CSTF2: variants seen among roughly 807,000 people sequenced by gnomAD.
CSTF2 encodes the protein CF-1 64 kDa subunit.
CSTF2 carries 8 observed loss-of-function variants against 45.4 expected under a neutral mutation model. The ratio of observed to expected loss-of-function variants is 0.18; its 90% CI spans 0.10 to 0.32. CSTF2 has a LOEUF of 0.32. CSTF2 is among the 10% of genes least tolerant of loss of function. The pLI is 1.00. For synonymous variants in CSTF2, 155 were observed against 158.9 expected (o/e 0.98, Z 0.18); for missense variants, 253 against 477.1 (o/e 0.53, Z 4.38).
intron 8 of CSTF2, among the ~76,000 whole-genome samples, chrX:100,831,233 A>T (rs185406921): frequency 1.8e-5 from 2 of 111,410 alleles, no homozygotes; most frequent in Admixed American, 9.5e-5. Flanking sequence ...ACTAAGATTG[A>T]TTAGAAGGAA....
intron 13 of CSTF2, 141 bp downstream of exon 13, chrX:100,838,505 C>G: frequency 2.1e-6 from 1 of 465,765 alleles, no homozygotes; most frequent in Non-Finnish European, 3.3e-6. Context: ...TTCAGTAGGT[C>G]AGCTCCTGTA....
At chrX:100,827,442 C>T (rs1238755031) in intron 7 of CSTF2, among the ~76,000 whole-genome samples, 3 of 112,167 alleles carry the variant, frequency 2.7e-5, no homozygotes, top group East Asian at 5.6e-4. Context: ...TGTATGAACA[C>T]ATGATGTATT....
intron 6 of CSTF2, among the ~76,000 whole-genome samples, chrX:100,824,757 CAT>C (rs1375205665): frequency 4.5e-5 from 5 of 112,161 alleles, no homozygotes; most frequent in Admixed American, 9.4e-5. Context: ...ATTTACCACA[CAT>C]GTGATGGAAA....
intron 10 of CSTF2, 111 bp from the exon 11 acceptor site, chrX:100,833,069 C>T: frequency 1.0e-6 from 1 of 999,451 alleles, no homozygotes; most frequent in East Asian, 3.3e-5. Context: ...ATGTTAATAG[C>T]TGAGGGGACA....
chrX:100,821,466 TTC>T, intron 1 of CSTF2, 59 bp from the exon 2 acceptor site: 1 of 818,249 alleles, frequency 1.2e-6, no homozygotes, highest in Non-Finnish European at 1.8e-6. Flanking sequence ...TAAGTTTACT[TTC>T]TCACTAAAGA....
intron 7 of CSTF2, among the ~76,000 whole-genome samples, chrX:100,827,308 A>G (rs2084950644): frequency 8.9e-6 from 1 of 112,466 alleles, no homozygotes; most frequent in Admixed American, 9.4e-5. Context: ...AGCTATGTAC[A>G]TTTATTGAAA....
At chrX:100,826,861 A>G in intron 7 of CSTF2, 104 bp downstream of exon 7, 1 of 783,767 alleles carries the variant, frequency 1.3e-6, no homozygotes, top group South Asian at 2.7e-5. Context: ...AGGTAAAATT[A>G]ATACACAGCT....
intron 11 of CSTF2, among the ~76,000 whole-genome samples, chrX:100,836,415 G>A (rs1035530941): frequency 5.4e-5 from 6 of 111,916 alleles, no homozygotes; most frequent in African/African-American, 1.9e-4. Context: ...TCATATTACT[G>A]AAGTGGTATC....
intron 4 of CSTF2, 137 bp from the exon 5 acceptor site, chrX:100,823,749 C>A: frequency 1.3e-6 from 1 of 784,070 alleles, no homozygotes; most frequent in Non-Finnish European, 1.8e-6. Context: ...CCTGCCATGA[C>A]CAAGGTTTTT....
In CSTF2 at chrX:100,828,250, A is replaced by G. The variant is rs1223890552; in HGVS notation, c.889+148A>G. 7.8e-5 allele frequency: 34 copies of G among 437,088 alleles called. No homozygotes were observed. In the South Asian group the frequency reaches 8.3e-4, roughly 11 times the overall value. The allele number at this position is 437,088 out of a possible 1,213,427, so 36.0% of individuals were successfully genotyped here. A position where few individuals can be genotyped will look rare whatever the true frequency, so the allele number is the denominator to read the frequency against. ...AGTAAAATTTAAAACTCAGTTCCTC[A>G]GTCACAATAGCCACATTCCAAGTGC... On this transcript the variant is annotated intron_variant, in intron 8 of 13. Transcript: ENST00000372972.
rs768698288 is a variant in CSTF2, at chrX:100,832,166, G to C, written c.1031+510G>C. On this transcript the variant is annotated intron_variant, in intron 9 of 13. Coordinates refer to ENST00000372972, the MANE Select transcript of CSTF2 (RefSeq NM_001325.3). ...CAGGAGGTGGAGGTTGCAGTGAGCCGAGGTCATGCCACTGCACTCCAGCCT... is the reference window on the plus strand; with the variant it reads ...CAGGAGGTGGAGGTTGCAGTGAGCCCAGGTCATGCCACTGCACTCCAGCCT... Among the ~76,000 whole-genome samples, 13 of 111,675 alleles carry C rather than the reference G, an allele frequency of 1.2e-4. No individual in the cohort carries two copies. The East Asian group carries it at 2.8e-3, about 24-fold the overall frequency.
At position 100,828,024 on chromosome X, in the gene CSTF2, G is replaced by A. The variant is rs748739572; in HGVS notation, c.827-16G>A. The stretch of plus-strand genomic sequence containing the variant: ...TTCTAATTGGTGTTTTTTCTTGTCT[G>A]CCCTTTATCTTCTAGGAGGAATGCA... On this transcript the variant is annotated splice_polypyrimidine_tract_variant and intron_variant, in intron 7 of 13. Coordinates refer to ENST00000372972, the MANE Select transcript of CSTF2 (RefSeq NM_001325.3). 4 of 1,198,038 alleles carry A rather than the reference G, an allele frequency of 3.3e-6. No individual in the cohort carries two copies. In the Admixed American group the frequency reaches 8.9e-5, roughly 27 times the overall value.
chrX:100,822,134 G>A (rs2084921867), intron 2 of CSTF2, 117 bp from the exon 3 acceptor site: 2 of 518,401 alleles, frequency 3.9e-6, no homozygotes. Context: ...TTTCTGTGAG[G>A]CTGTCAGAGA....
rs368107166 is a variant in CSTF2 at position 100,823,273 on chromosome X, G to T, written c.308-19G>T. The T allele has an allele frequency of 8.3e-7, 1 of 1,201,941 alleles. No individual in the cohort carries two copies. The highest frequency in any genetic ancestry group is 2.2e-5 in the Admixed American group (1 of 44,676). ...TTTGTTTTGCCTCCCTAACTTTCTT[G>T]TACTTTCTTCTTGATTAGGCCTTGG... On this transcript the variant is annotated intron_variant, in intron 3 of 13. Transcript: ENST00000372972.
intron 9 of CSTF2, 126 bp from the exon 10 acceptor site, chrX:100,832,608 T>C (rs1214527897): frequency 1.9e-6 from 1 of 521,440 alleles, no homozygotes; most frequent in Non-Finnish European, 2.9e-6. Flanking sequence ...ATCTATTTGG[T>C]GTTATTTTCT....
chrX:100,831,705 T>A lies in CSTF2; in HGVS notation c.1031+49T>A, dbSNP rs377608903. 3 of 1,174,007 alleles carry A rather than the reference T, an allele frequency of 2.6e-6. No individual in the cohort carries two copies. The Admixed American group carries it at 6.6e-5, about 26-fold the overall frequency. Reference sequence around the variant, plus strand: ...CAGTTGAAGAAATCAGAATTGTCCCTTCTTCCCTGAGAACAAAATCTTTCT... The same window carrying A: ...CAGTTGAAGAAATCAGAATTGTCCCATCTTCCCTGAGAACAAAATCTTTCT... On this transcript the variant is annotated intron_variant, in intron 9 of 13. Transcript: ENST00000372972.
intron 1 of CSTF2, 68 bp from the exon 2 acceptor site, chrX:100,821,459 G>A (rs2147885431): frequency 2.6e-6 from 2 of 781,610 alleles, no homozygotes; most frequent in East Asian, 6.4e-5. Flanking sequence ...GATGATATAA[G>A]TTTACTTTCT....
chrX:100,824,181 A>G lies in CSTF2; in HGVS notation c.626A>G (p.His209Arg), dbSNP rs762952847. 4.1e-6 allele frequency: 5 copies of G among 1,211,571 alleles called. No homozygotes were observed. The highest frequency in any genetic ancestry group is 4.3e-5 in the Admixed American group (2 of 46,079). Residue 209 changes from histidine to arginine, a missense_variant, in exon 6 of 14, where the codon CAT becomes CGT. Transcript: ENST00000372972. ...ATTGCAGGCAACCCTCAGCCAGTCC[A>G]TGGTGCTGGGCCTGGCTCAGGATCC... Reference protein sequence around the residue: ...TLIAGNPQPVHGAGPGSGSNV... With the variant: ...TLIAGNPQPVRGAGPGSGSNV...
Position 100,823,273 on chromosome X carries a change from G to A in CSTF2, c.308-19G>A, listed in dbSNP as rs368107166. On this transcript the variant is annotated intron_variant, in intron 3 of 13. Transcript: ENST00000372972. ...TTTGTTTTGCCTCCCTAACTTTCTT[G>A]TACTTTCTTCTTGATTAGGCCTTGG... The A allele has an allele frequency of 5.0e-6, 6 of 1,201,942 alleles. No individual in the cohort carries two copies. Among genetic ancestry groups the A allele is most frequent in the African/African-American group, 1.7e-5 (1 of 57,244 alleles).
Sources: gnomAD v4.1 joint callset for allele counts (sites outside exome capture counted in the v4.1 genomes callset) on GRCh38, gnomAD v4.1.1 for gene constraint, MANE v1.5 for transcripts, NCBI Gene and HGNC (gene_info 2026-07-23, HGNC 2026-07-21) for gene names.